CCSER2: variants seen among roughly 807,000 people sequenced by gnomAD.
CCSER2 encodes the protein coiled-coil serine rich protein 2.
In CCSER2, 46 loss-of-function variants were observed where a neutral mutation model predicts 92.3. The observed-to-expected ratio is 0.50, with a 90% CI of 0.39 to 0.64. CCSER2 has a LOEUF of 0.64. Ranked by LOEUF, CCSER2 falls within the 30% of genes least tolerant of loss-of-function variation. The pLI is 0.00. For missense variants in CCSER2, 1,244 were observed against 1,238.9 expected, an observed-to-expected ratio of 1.00 and a Z score of -0.06; for synonymous variants, 433 against 431.4, an observed-to-expected ratio of 1.00 and a Z score of -0.04.
At chr10:84,463,723 C>T (rs532099337) in intron 6 of CCSER2, among the ~76,000 whole-genome samples, 36 of 152,284 alleles carry the variant, frequency 2.4e-4, no homozygotes, top group Admixed American at 2.0e-3. Flanking sequence ...TTATTCTTGC[C>T]GTAGCTCCCT....
At chr10:84,501,111 T>C (rs775975630) in intron 9 of CCSER2, among the ~76,000 whole-genome samples, 7 of 152,068 alleles carry the variant, frequency 4.6e-5, no homozygotes, top group Non-Finnish European at 1.0e-4. Context: ...TCCTCCTCCT[T>C]TTCTATCTCC....
At position 84,330,889 on chromosome 10, in the gene CCSER2, C is replaced by G. The variant is rs368028979; in HGVS notation, c.-40+2081C>G. On this transcript the variant is annotated intron_variant, in intron 1 of 9. Coordinates refer to ENST00000372088, the MANE Select transcript of CCSER2 (RefSeq NM_001284240.2). Reference sequence around the variant, plus strand: ...GATTGCTGCTTCATTGGTCCTACAACTTTATTTTGAGGCGCAAAGTCACGC... The same window carrying G: ...GATTGCTGCTTCATTGGTCCTACAAGTTTATTTTGAGGCGCAAAGTCACGC... 1.1e-4 allele frequency among the ~76,000 whole-genome samples: 16 copies of G among 152,274 alleles called. No homozygotes were observed. The East Asian group carries it at 2.7e-3, about 26-fold the overall frequency.
intron 1 of CCSER2, among the ~76,000 whole-genome samples, chr10:84,369,113 G>T (rs992790347): frequency 6.7e-6 from 1 of 149,446 alleles, no homozygotes. Flanking sequence ...TGGCAATTGT[G>T]AATTTTGCTG....
chr10:84,495,622 A>G (rs1848404842), intron 9 of CCSER2, among the ~76,000 whole-genome samples: 2 of 152,156 alleles, frequency 1.3e-5, no homozygotes, highest in South Asian at 2.1e-4. Flanking sequence ...TTCAGCTACT[A>G]TACGTTTCTG....
At chr10:84,465,286 TGTGTGA>T (rs1176455899) in intron 7 of CCSER2, among the ~76,000 whole-genome samples, 1 of 75,192 alleles carries the variant, frequency 1.3e-5, no homozygotes, top group African/African-American at 5.8e-5. Context: ...TGTGTGTGTG[TGTGTGA>T]AAAAGTTTTT....
intron 4 of CCSER2, 83 bp downstream of exon 4, chr10:84,417,944 ACTT>A (rs1188951669): frequency 1.3e-6 from 1 of 754,374 alleles, no homozygotes; most frequent in Non-Finnish European, 2.4e-6. Flanking sequence ...TTACTTGCAG[ACTT>A]CTTAATCTTA....
intron 1 of CCSER2, among the ~76,000 whole-genome samples, chr10:84,363,808 GGCA>G (rs1297063733): frequency 6.6e-6 from 1 of 152,148 alleles, no homozygotes; most frequent in East Asian, 1.9e-4. Context: ...TCAGAATACA[GGCA>G]GCATCGCTTA....
At chr10:84,487,580 A>C (rs914282043) in intron 9 of CCSER2, among the ~76,000 whole-genome samples, 8 of 152,198 alleles carry the variant, frequency 5.3e-5, no homozygotes, top group African/African-American at 1.9e-4. Context: ...TGATTTTTGC[A>C]CAATGATTTT....
chr10:84,400,470 C>T (rs1049536815), intron 3 of CCSER2, among the ~76,000 whole-genome samples: 1 of 152,118 alleles, frequency 6.6e-6, no homozygotes, highest in Non-Finnish European at 1.5e-5. Flanking sequence ...CGCACCCAGC[C>T]TCTTTTGTTT....
chr10:84,395,223 TAAA>T (rs34500936), intron 3 of CCSER2, among the ~76,000 whole-genome samples: 29 of 129,338 alleles, frequency 2.2e-4, no homozygotes, highest in Admixed American at 2.3e-4. Flanking sequence ...GACCCTGTCT[TAAA>T]AAAAAAAAAA....
chr10:84,473,628 A>G (rs902046113), intron 8 of CCSER2, among the ~76,000 whole-genome samples: 1 of 152,242 alleles, frequency 6.6e-6, no homozygotes, highest in Non-Finnish European at 1.5e-5. Context: ...TTTAACAGAT[A>G]CAAACCATTT....
At chr10:84,402,154 C>T (rs981980351) in intron 3 of CCSER2, among the ~76,000 whole-genome samples, 8 of 152,138 alleles carry the variant, frequency 5.3e-5, no homozygotes, top group South Asian at 2.1e-4. Context: ...CTTAAATTTT[C>T]GCATTGTGTG....
Position 84,463,975 on chromosome 10 carries a change from C to T in CCSER2, c.2107C>T (p.Pro703Ser), listed in dbSNP as rs1271216943. ...ATTGCATGATATTCAACTGTCATTG[C>T]CATCCAGTCCAGAACCAGAAGATGG... Reference protein sequence around the residue: ...GSLHDIQLSLPSSPEPEDGDK... With the variant: ...GSLHDIQLSLSSSPEPEDGDK... Residue 703 changes from proline to serine, a missense_variant, in exon 7 of 10, where the codon CCA becomes TCA. By Grantham distance (74) the Pro-to-Ser change is moderately conservative (BLOSUM62 -1). Coordinates refer to ENST00000372088, the MANE Select transcript of CCSER2 (RefSeq NM_001284240.2). 6.2e-7 allele frequency: 1 copy of T among 1,610,906 alleles called. No homozygotes were observed.
chr10:84,441,756 T>G (rs1221102166), intron 6 of CCSER2, among the ~76,000 whole-genome samples: 10 of 80,928 alleles, frequency 1.2e-4, no homozygotes, highest in African/African-American at 2.8e-4. Context: ...TTTTTTTTTT[T>G]TTTTTTTTTT....
chr10:84,476,634 G>C (rs928504724), intron 8 of CCSER2, among the ~76,000 whole-genome samples: 1 of 151,772 alleles, frequency 6.6e-6, no homozygotes, highest in Non-Finnish European at 1.5e-5. Flanking sequence ...TAGTAGAGAT[G>C]AGGTTTCACT....
chr10:84,378,249 G>A (rs7096263), intron 3 of CCSER2, among the ~76,000 whole-genome samples: 152,123 of 152,154 alleles, frequency 1, 76,046 homozygotes, highest in Middle Eastern at 1. Flanking sequence ...CTTTCTCTAC[G>A]TCTGTTGAGA....
At chr10:84,492,358 A>C (rs1564721364) in intron 9 of CCSER2, among the ~76,000 whole-genome samples, 1 of 151,988 alleles carries the variant, frequency 6.6e-6, no homozygotes. Context: ...CTCACTTATA[A>C]GTTTGGAGAG....
rs1378471061 is a variant in CCSER2, at chr10:84,502,284, T to G, written c.2326-11165T>G. On this transcript the variant is annotated intron_variant, in intron 9 of 9. Coordinates refer to ENST00000372088, the MANE Select transcript of CCSER2 (RefSeq NM_001284240.2). Reference sequence around the variant, plus strand: ...CAATATGTGGGTCCTAGTACTCATGTTTGGAGAGGTTGATTGTGCTTAAGA... The same window carrying G: ...CAATATGTGGGTCCTAGTACTCATGGTTGGAGAGGTTGATTGTGCTTAAGA... Among the ~76,000 whole-genome samples, 4 of 151,962 alleles carry G rather than the reference T, an allele frequency of 2.6e-5. No individual in the cohort carries two copies. The East Asian group carries it at 7.7e-4, about 29-fold the overall frequency.
intron 9 of CCSER2, among the ~76,000 whole-genome samples, chr10:84,488,102 G>A (rs1363134985): frequency 6.6e-6 from 1 of 152,138 alleles, no homozygotes; most frequent in Non-Finnish European, 1.5e-5. Context: ...ACTTGATCAT[G>A]GTGGATAAGC....
Sources: gnomAD v4.1 joint callset for allele counts (sites outside exome capture counted in the v4.1 genomes callset) on GRCh38, gnomAD v4.1.1 for gene constraint, MANE v1.5 for transcripts, NCBI Gene and HGNC (gene_info 2026-07-23, HGNC 2026-07-21) for gene names.